Variants in PDE6C observed in about 807,000 individuals in gnomAD.
PDE6C encodes the protein phosphodiesterase 6C.
Under a neutral mutation model 113.1 loss-of-function variants are expected in PDE6C, and 75 were observed. That is an observed-to-expected ratio of 0.66 (90% CI 0.55 to 0.80). The LOEUF is 0.80. Ranked by LOEUF, PDE6C falls within the 30% of genes least tolerant of loss-of-function variation. The pLI is 0.00. For missense variants in PDE6C, 912 were observed against 1,038.6 expected (o/e 0.88, Z 1.67); for synonymous variants, 375 against 363.7 (o/e 1.03, Z -0.35).
At chr10:93,632,363 C>T (rs2058505791) in intron 8 of PDE6C, among the ~76,000 whole-genome samples, 2 of 152,264 alleles carry the variant, frequency 1.3e-5, no homozygotes, top group South Asian at 4.1e-4. Flanking sequence ...GTTCTGCCTG[C>T]CATAGGGTTC....
rs1211277229 is a variant in PDE6C at position 93,653,677 on chromosome 10, C to CA, written c.1936-2074dup. On this transcript the variant is annotated intron_variant, in intron 15 of 21. Coordinates refer to ENST00000371447, the MANE Select transcript of PDE6C (RefSeq NM_006204.4). The stretch of plus-strand genomic sequence containing the variant: ...ACAAAAACAAAAACAAAAACAAAAA[C>CA]AAAAAAAAACATTGATTTTGATCCA... 1.4e-4 allele frequency among the ~76,000 whole-genome samples: 21 copies of CA among 149,606 alleles called. No individual in the cohort carries two copies. In the South Asian group the frequency reaches 1.5e-3, roughly 11 times the overall value.
At chr10:93,658,169 CAAA>C (rs71031527) in intron 16 of PDE6C, among the ~76,000 whole-genome samples, 1,793 of 59,722 alleles carry the variant, frequency 0.03, 4 homozygotes, top group African/African-American at 0.045. Context: ...GATTCTGTCT[CAAA>C]AAAAAAAAAA....
intron 10 of PDE6C, 146 bp from the exon 11 acceptor site, chr10:93,636,849 C>T: frequency 1.6e-6 from 1 of 643,634 alleles, no homozygotes; most frequent in Non-Finnish European, 2.8e-6. Flanking sequence ...CTCACTGCAT[C>T]TTCCAACTCC....
At chr10:93,630,882 T>C (rs1457360639) in intron 8 of PDE6C, among the ~76,000 whole-genome samples, 1 of 152,188 alleles carries the variant, frequency 6.6e-6, no homozygotes, top group Non-Finnish European at 1.5e-5. Flanking sequence ...CTCCTTGCAA[T>C]TGAAGCTTAT....
chr10:93,647,724 T>G (rs1324859317), intron 15 of PDE6C, among the ~76,000 whole-genome samples: 2 of 152,168 alleles, frequency 1.3e-5, no homozygotes, highest in African/African-American at 4.8e-5. Flanking sequence ...CTGACCAGAC[T>G]CTCTGGAGTT....
At position 93,620,240 on chromosome 10, in the gene PDE6C, C is replaced by T. The variant is rs578111451; in HGVS notation, c.481-392C>T. On this transcript the variant is annotated intron_variant, in intron 1 of 21. Transcript: ENST00000371447. ...TTTTCCCTTTGTAATGAGAGAGAAG[C>T]GCTCTATGAACTGTGTCTGTATTCC... is the stretch of plus-strand genomic sequence containing the variant. Among the ~76,000 whole-genome samples the T allele has an allele frequency of 3.0e-4, 45 of 152,202 alleles. No homozygotes were observed. The South Asian group carries it at 6.4e-3, about 22-fold the overall frequency.
chr10:93,636,368 T>TTGTGTGTGGGTGTG (rs2058530303), intron 10 of PDE6C, among the ~76,000 whole-genome samples: 1 of 141,256 alleles, frequency 7.1e-6, no homozygotes, highest in African/African-American at 2.7e-5. Flanking sequence ...TTCCCTGGCT[T>TTGTGTGTGGGTGTG]TGTGTGTGTG....
At chr10:93,653,713 CTT>C (rs1485559881) in intron 15 of PDE6C, among the ~76,000 whole-genome samples, 3 of 152,116 alleles carry the variant, frequency 2.0e-5, no homozygotes, top group African/African-American at 7.2e-5. Context: ...GATAATCTCT[CTT>C]TTGTTTTTGT....
At position 93,621,267 on chromosome 10, in the gene PDE6C, T is replaced by A. The variant is rs181243124; in HGVS notation, c.723+287T>A. Among the ~76,000 whole-genome samples, 276 of 152,326 alleles carry A rather than the reference T, an allele frequency of 1.8e-3. 1 individual carries two copies. Among genetic ancestry groups the A allele is most frequent in the African/African-American group, 6.3e-3 (262 of 41,570 alleles). On this transcript the variant is annotated intron_variant, in intron 3 of 21. Transcript: ENST00000371447. Reference sequence around the variant, plus strand: ...GTCTATGAGATGGTGATGACAATAATGGTACCTACTTCAGATGGTTGTTGT... The same window carrying A: ...GTCTATGAGATGGTGATGACAATAAAGGTACCTACTTCAGATGGTTGTTGT...
intron 18 of PDE6C, among the ~76,000 whole-genome samples, chr10:93,660,876 TCCA>T (rs1016297496): frequency 3.4e-4 from 52 of 152,034 alleles, no homozygotes; most frequent in African/African-American, 1.2e-3. Context: ...TCACATCAAC[TCCA>T]CAAGTCATCC....
chr10:93,659,887 T>G (rs1438699500), intron 18 of PDE6C, among the ~76,000 whole-genome samples: 1 of 152,228 alleles, frequency 6.6e-6, no homozygotes, highest in Non-Finnish European at 1.5e-5. Flanking sequence ...TATAGTCTCT[T>G]CTTCAATGTG....
rs1390359516 is a variant in PDE6C at position 93,612,924 on chromosome 10, T to A, written c.199T>A (p.Trp67Arg). The change falls in exon 1 of 22, where the codon TGG becomes AGG. Residue 67 changes from tryptophan to arginine, a missense_variant. Physicochemically the swap from Trp to Arg is moderately radical, Grantham distance 101 (BLOSUM62 -3). Transcript: ENST00000371447. ...EESALCLELL[W>R]TVQEEGGTPE... ...GTCAGCCCTGTGCTTGGAGCTGCTG[T>A]GGACCGTGCAGGAGGAGGGGGGCAC... 3.7e-6 allele frequency: 6 copies of A among 1,613,966 alleles called. No homozygotes were observed. Among genetic ancestry groups the A allele is most frequent in the Non-Finnish European group, 4.2e-6 (5 of 1,180,004 alleles).
rs2058671471 is a variant in PDE6C, at chr10:93,662,643, G to C, written c.2367G>C (p.Lys789Asn). The C allele has an allele frequency of 8.2e-7, 1 of 1,224,644 alleles. No individual in the cohort carries two copies. The highest frequency in any genetic ancestry group is 1.5e-5 in the African/African-American group (1 of 67,534). 75.9% of individuals were successfully genotyped at this position (1,224,644 alleles called of 1,614,324 possible). A position where few individuals can be genotyped will look rare whatever the true frequency, so the allele number is the denominator to read the frequency against. The change falls in exon 20 of 22, where the codon AAG (lysine) becomes AAC (asparagine). Residue 789 changes from lysine (K) to asparagine (N), a missense_variant and splice_region_variant. Coordinates refer to ENST00000371447, the MANE Select transcript of PDE6C (RefSeq NM_006204.4). ...ATTTTGTTTGTACTTTTGTATATAA[G>C]GTAAGTAAGCAAATTATTTGAATTA... ...FIDFVCTFVYKEFSRFHKEIT... is the reference protein window; with the variant it reads ...FIDFVCTFVYNEFSRFHKEIT...
chr10:93,640,912 T>C lies in PDE6C; in HGVS notation c.1738-8T>C. 1 of 1,555,402 alleles carries C rather than the reference T, an allele frequency of 6.4e-7. No individual in the cohort carries two copies. The highest frequency in any genetic ancestry group is 8.9e-7 in the Non-Finnish European group (1 of 1,126,548). ...TTATAGATATGCATATATATGTTAT[T>C]TTTTTAGACAGGAAGATTAAAGAAG... On this transcript the variant is annotated splice_polypyrimidine_tract_variant and splice_region_variant and intron_variant, in intron 13 of 21. Coordinates refer to ENST00000371447, the MANE Select transcript of PDE6C (RefSeq NM_006204.4).
In PDE6C at chr10:93,621,933, T is replaced by A; in HGVS notation, c.725T>A (p.Ile242Asn). 6.2e-7 allele frequency: 1 copy of A among 1,613,722 alleles called. No individual in the cohort carries two copies. The highest frequency in any genetic ancestry group is 8.5e-7 in the Non-Finnish European group (1 of 1,179,926). The change falls in exon 4 of 22, where the codon ATC becomes AAC. Residue 242 changes from isoleucine to asparagine, a missense_variant and splice_region_variant. Transcript: ENST00000371447. ...TTTCTTTTTGATACCTACTTTCAGA[T>A]CCTTATGTGGTCAGCCAATAAAGTA... is the stretch of plus-strand genomic sequence containing the variant. ...MYNIESRRSQILMWSANKVFE... is the reference protein window; with the variant it reads ...MYNIESRRSQNLMWSANKVFE...
chr10:93,650,013 G>A (rs1309958890), intron 15 of PDE6C, among the ~76,000 whole-genome samples: 1 of 152,076 alleles, frequency 6.6e-6, no homozygotes, highest in Non-Finnish European at 1.5e-5. Context: ...CCAAGTAATT[G>A]CTCATATCAT....
At chr10:93,655,558 A>T (rs1334455076) in intron 15 of PDE6C, among the ~76,000 whole-genome samples, 1 of 149,976 alleles carries the variant, frequency 6.7e-6, no homozygotes, top group Non-Finnish European at 1.5e-5. Context: ...ATCTTACTTA[A>T]AGTATAGTAG....
chr10:93,639,958 C>T, intron 11 of PDE6C, 112 bp from the exon 12 acceptor site: 1 of 1,099,618 alleles, frequency 9.1e-7, no homozygotes, highest in Non-Finnish European at 1.4e-6. Flanking sequence ...TTCAGTGAAT[C>T]ACACATTGTG....
rs776801378 is a variant in PDE6C, at chr10:93,613,137, T to C, written c.412T>C (p.Leu138=). 4.3e-6 allele frequency: 7 copies of C among 1,614,120 alleles called. No homozygotes were observed. Among genetic ancestry groups the C allele is most frequent in the Admixed American group, 1.7e-5 (1 of 60,022 alleles). Residue 138 remains leucine (L), a synonymous_variant, in exon 1 of 22, where the codon TTG becomes CTG. Coordinates refer to ENST00000371447, the MANE Select transcript of PDE6C (RefSeq NM_006204.4). ...VGPDKEVVFP[L]DIGIVGWAAH... is the part of the protein sequence containing the mutation. ...CCCTGACAAAGAAGTTGTGTTTCCA[T>C]TGGACATTGGGATAGTGGGTTGGGC... is the stretch of plus-strand genomic sequence containing the variant.
Sources: allele counts gnomAD v4.1 joint callset (sites outside exome capture counted in the v4.1 genomes callset), GRCh38; gene constraint gnomAD v4.1.1; transcripts MANE v1.5; gene names NCBI Gene and HGNC (gene_info 2026-07-23, HGNC 2026-07-21).